The following GSE1 variants were observed in gnomAD, a reference collection of about 807,000 sequenced individuals.
The protein encoded by GSE1 is Gse1 coiled-coil protein.
In GSE1, 32 loss-of-function variants were observed where a neutral mutation model predicts 112.6. The observed-to-expected ratio is 0.28, with a 90% confidence interval of 0.21 to 0.38. GSE1 has a LOEUF of 0.38. GSE1 is among the 10% of genes least tolerant of loss of function. GSE1 has a pLI of 1.00. For synonymous variants in GSE1, 1,115 were observed against 735.6 expected (o/e 1.52, Z -8.35); for missense variants, 2,348 against 1,699.2 (o/e 1.38, Z -6.71).
At chr16:85,234,183 G>A (rs370511399) in intron 1 of GSE1, among the ~76,000 whole-genome samples, 13 of 152,214 alleles carry the variant, frequency 8.5e-5, no homozygotes, top group African/African-American at 2.2e-4. Flanking sequence ...TCCACTCCCC[G>A]CCCTCCTATA....
At chr16:85,610,414 G>A (rs2047914993), upstream of GSE1, among the ~76,000 whole-genome samples, 1 of 152,254 alleles carries the variant, frequency 6.6e-6, no homozygotes, top group African/African-American at 2.4e-5. Context: ...GAGAGAGGAG[G>A]AGGAGCAGGC....
intron 1 of GSE1, among the ~76,000 whole-genome samples, chr16:85,202,893 C>G (rs974003784): frequency 6.6e-6 from 1 of 152,186 alleles, no homozygotes; most frequent in Non-Finnish European, 1.5e-5. Context: ...GGCCTCCTGG[C>G]TGTGCCCCAG....
intron 1 of GSE1, among the ~76,000 whole-genome samples, chr16:85,315,919 C>A (rs2045975266): frequency 6.7e-6 from 1 of 149,406 alleles, no homozygotes; most frequent in Non-Finnish European, 1.5e-5. Context: ...CACGGTGAAG[C>A]CCTAGTGGGA....
intron 2 of GSE1, among the ~76,000 whole-genome samples, chr16:85,397,728 G>A (rs1026491907): frequency 8.5e-5 from 13 of 152,222 alleles, no homozygotes; most frequent in Admixed American, 2.6e-4. Context: ...CCTTTGCCCC[G>A]CTTCCCTGGG....
rs2049170181 is a variant in GSE1, at chr16:85,627,438, A to T, written c.8-6476A>T. On this transcript the variant is annotated intron_variant, in intron 1 of 15. Transcript: ENST00000253458. ...GTATGTCCCCTGGCCCCTCAGTTTGAGGGTGCCCAGGGCCGAGGGGCCTTT... is the reference window on the plus strand; with the variant it reads ...GTATGTCCCCTGGCCCCTCAGTTTGTGGGTGCCCAGGGCCGAGGGGCCTTT... Among the ~76,000 whole-genome samples the T allele has an allele frequency of 5.3e-5, 8 of 150,172 alleles. No homozygotes were observed. In the South Asian group the frequency reaches 1.5e-3, roughly 28 times the overall value.
chr16:85,492,759 A>T (rs115503353), intron 2 of GSE1, among the ~76,000 whole-genome samples: 26,833 of 152,020 alleles, frequency 0.18, 2,538 homozygotes, highest in African/African-American at 0.24. Context: ...GGATTCTGAC[A>T]CATGACCTCA....
chr16:85,401,571 A>G (rs1269470407), intron 2 of GSE1, among the ~76,000 whole-genome samples: 1 of 152,028 alleles, frequency 6.6e-6, no homozygotes, highest in East Asian at 1.9e-4. Flanking sequence ...GAGGCAGGGG[A>G]CTTCTACCTG....
chr16:85,664,725 C>T (rs982743414), intron 11 of GSE1: 2 of 313,476 alleles, frequency 6.4e-6, no homozygotes, highest in East Asian at 6.7e-5. Context: ...TACATCCTCG[C>T]ACGTCACCAC....
At position 85,622,849 on chromosome 16, in the gene GSE1, T is replaced by C. The variant is rs531984130; in HGVS notation, c.7+9451T>C. Among the ~76,000 whole-genome samples, 269 of 152,162 alleles carry C rather than the reference T, an allele frequency of 1.8e-3. 1 individual carries two copies. The highest frequency in any genetic ancestry group is 4.4e-3 in the South Asian group (21 of 4,824). On this transcript the variant is annotated intron_variant, in intron 1 of 15. Coordinates refer to ENST00000253458, the MANE Select transcript of GSE1 (RefSeq NM_014615.5). ...AGTTACCGTGTCGATGACATCTGAG[T>C]GGAGTGTCTGTGCTGAGGGTTGCAG...
chr16:85,499,258 C>A (rs1015406748), intron 2 of GSE1, among the ~76,000 whole-genome samples: 1 of 143,184 alleles, frequency 7.0e-6, no homozygotes, highest in Non-Finnish European at 1.5e-5. Context: ...AGCGAGAGGG[C>A]GCCTGCCAGC....
chr16:85,542,337 G>A (rs1215481016), intron 2 of GSE1, among the ~76,000 whole-genome samples: 1 of 152,196 alleles, frequency 6.6e-6, no homozygotes, highest in African/African-American at 2.4e-5. Flanking sequence ...TGGGCTTACC[G>A]AGCTGGAGGG....
intron 1 of GSE1, among the ~76,000 whole-genome samples, chr16:85,304,579 A>C (rs890160228): frequency 3.8e-5 from 4 of 105,496 alleles, no homozygotes; most frequent in African/African-American, 1.5e-4. Context: ...GAAAAGCTGC[A>C]TGGCAGCTGC....
chr16:85,403,841 C>T (rs1413758624), intron 2 of GSE1, among the ~76,000 whole-genome samples: 1 of 152,116 alleles, frequency 6.6e-6, no homozygotes, highest in Non-Finnish European at 1.5e-5. Flanking sequence ...TATTCTGCCA[C>T]AGTCTGGAGG....
At chr16:85,574,481 G>A (rs530865948) in intron 1 of GSE1, among the ~76,000 whole-genome samples, 72 of 152,340 alleles carry the variant, frequency 4.7e-4, no homozygotes, top group African/African-American at 1.7e-3. Context: ...GTCAGCAGTA[G>A]CCGAACTCTG....
At chr16:85,565,532 A>C (rs2045710051) in intron 1 of GSE1, among the ~76,000 whole-genome samples, 1 of 152,170 alleles carries the variant, frequency 6.6e-6, no homozygotes, top group African/African-American at 2.4e-5. Flanking sequence ...TGCAGTGCCC[A>C]CACCGGCGAG....
In GSE1 at chr16:85,656,489, A is replaced by AGGAGCGCGAGCGCGAGCT. The variant is rs2051963569; in HGVS notation, c.1144_1161dup (p.Glu382_Arg387dup). ...CAAGAGAAGGAGCGTGAGCGTGAGA[A>AGGAGCGCGAGCGCGAGCT]GGAGCGCGAGCGCGAGCTGGAGCGC... On this transcript the variant is annotated inframe_insertion, in exon 7 of 16. Transcript: ENST00000253458. 2 of 1,522,402 alleles carry AGGAGCGCGAGCGCGAGCT rather than the reference A, an allele frequency of 1.3e-6. No homozygotes were observed. Among genetic ancestry groups the AGGAGCGCGAGCGCGAGCT allele is most frequent in the African/African-American group, 1.4e-5 (1 of 71,866 alleles). 94.3% of individuals were successfully genotyped at this position (1,522,402 alleles called of 1,614,324 possible).
chr16:85,635,365 C>G (rs2049904515), intron 2 of GSE1, among the ~76,000 whole-genome samples: 1 of 152,206 alleles, frequency 6.6e-6, no homozygotes, highest in African/African-American at 2.4e-5. Flanking sequence ...AGAAAACCCT[C>G]CACGCCCTTG....
chr16:85,619,986 C>T (rs770990080), intron 1 of GSE1, among the ~76,000 whole-genome samples: 10 of 152,190 alleles, frequency 6.6e-5, no homozygotes, highest in Non-Finnish European at 1.5e-4. Flanking sequence ...CCGGCTGCTT[C>T]GGAAGGCCCT....
intron 1 of GSE1, among the ~76,000 whole-genome samples, chr16:85,273,371 A>G (rs1324855941): frequency 1.3e-5 from 2 of 152,276 alleles, no homozygotes; most frequent in African/African-American, 2.4e-5. Context: ...TCATAACAGC[A>G]TTATGCATAG....
Sources: gnomAD v4.1 joint callset for allele counts (sites outside exome capture counted in the v4.1 genomes callset) on GRCh38, gnomAD v4.1.1 for gene constraint, MANE v1.5 for transcripts, NCBI Gene and HGNC (gene_info 2026-07-23, HGNC 2026-07-21) for gene names.